The following KANK1 variants were observed in gnomAD, a reference collection of about 807,000 sequenced individuals.
KANK1 encodes KN motif and ankyrin repeat domains 1.
Under a neutral mutation model 106.2 loss-of-function variants are expected in KANK1, and 109 were observed. The observed-to-expected ratio is 1.03, with a 90% CI of 0.88 to 1.20. The LOEUF (loss-of-function observed/expected upper bound fraction) is 1.20, where lower values mean the gene tolerates loss of function less well. Ranked by LOEUF, KANK1 falls within the 50% of genes most tolerant of loss-of-function variation. The pLI is 0.00. For synonymous variants in KANK1, 873 were observed against 652.2 expected (o/e 1.34, Z -5.16); for missense variants, 2,399 against 1,710.7 (o/e 1.40, Z -7.10).
At chr9:515,091 C>T (rs1056198644) in intron 1 of KANK1, among the ~76,000 whole-genome samples, 1 of 151,754 alleles carries the variant, frequency 6.6e-6, no homozygotes, top group African/African-American at 2.4e-5. Context: ...CGCCTGTAAT[C>T]CCAGCACTTT....
intron 1 of KANK1, among the ~76,000 whole-genome samples, chr9:560,761 A>T (rs1441700814): frequency 6.8e-6 from 1 of 146,936 alleles, no homozygotes; most frequent in African/African-American, 2.5e-5. Flanking sequence ...AACCAACTGG[A>T]TGTCAGACAT....
At chr9:491,534 T>C (rs917257201) in intron 3 of KANK1, among the ~76,000 whole-genome samples, 3 of 152,146 alleles carry the variant, frequency 2.0e-5, no homozygotes, top group African/African-American at 7.2e-5. Context: ...CCCAAAGTGC[T>C]GGGATTACAG....
At chr9:480,452 G>A (rs2058184116) in intron 3 of KANK1, among the ~76,000 whole-genome samples, 1 of 152,170 alleles carries the variant, frequency 6.6e-6, no homozygotes. Context: ...AGTCAAATGT[G>A]GTTCTAAGTG....
At chr9:556,723 G>A (rs2061609533) in intron 1 of KANK1, among the ~76,000 whole-genome samples, 1 of 152,134 alleles carries the variant, frequency 6.6e-6, no homozygotes, top group African/African-American at 2.4e-5. Context: ...CCTGCTTCAT[G>A]ATGTTCCTGA....
At chr9:485,037 C>G (rs1194823305) in intron 3 of KANK1, among the ~76,000 whole-genome samples, 1 of 152,180 alleles carries the variant, frequency 6.6e-6, no homozygotes, top group African/African-American at 2.4e-5. Context: ...CTGGACTAGT[C>G]CTAGACCAAC....
chr9:552,345 A>G (rs1272914073), intron 1 of KANK1, among the ~76,000 whole-genome samples: 1 of 152,196 alleles, frequency 6.6e-6, no homozygotes, highest in Non-Finnish European at 1.5e-5. Context: ...AACTAAGGTC[A>G]GTTAGCCGGT....
At chr9:616,749 G>C (rs757203030) in intron 1 of KANK1, among the ~76,000 whole-genome samples, 1 of 152,166 alleles carries the variant, frequency 6.6e-6, no homozygotes, top group Non-Finnish European at 1.5e-5. Flanking sequence ...GCTGTGTTCA[G>C]TGTTGACCTC....
intron 1 of KANK1, among the ~76,000 whole-genome samples, chr9:662,916 C>A (rs1843680961): frequency 6.6e-6 from 1 of 152,128 alleles, no homozygotes; most frequent in African/African-American, 2.4e-5. Flanking sequence ...CCCACCTTGG[C>A]CTCCCAAAGT....
intron 1 of KANK1, among the ~76,000 whole-genome samples, chr9:559,331 T>G (rs1408466547): frequency 6.6e-6 from 1 of 152,214 alleles, no homozygotes; most frequent in Non-Finnish European, 1.5e-5. Flanking sequence ...AACACTGTCA[T>G]TCACTTGTGA....
At position 742,306 on chromosome 9, in the gene KANK1, G is replaced by A; in HGVS notation, c.3798G>A (p.Glu1266=). ...CTGATGTCAACATCCAGGATGACGAGGGCTCCACGGCCCTCATGTGTGCCA... is the reference window on the plus strand; with the variant it reads ...CTGATGTCAACATCCAGGATGACGAAGGCTCCACGGCCCTCATGTGTGCCA... The part of the protein sequence containing the change: ...CGADVNIQDD[E]GSTALMCASE... The change falls in exon 10 of 12, where the codon GAG becomes GAA. Residue 1266 remains glutamate (E), a synonymous_variant. Coordinates refer to ENST00000382297, the MANE Select transcript of KANK1 (RefSeq NM_015158.5). 1.2e-6 allele frequency: 2 copies of A among 1,614,146 alleles called. No homozygotes were observed. Among genetic ancestry groups the A allele is most frequent in the Non-Finnish European group, 1.7e-6 (2 of 1,179,992 alleles).
intron 1 of KANK1, among the ~76,000 whole-genome samples, chr9:548,498 C>T (rs1333030266): frequency 1.3e-5 from 2 of 152,106 alleles, no homozygotes. Context: ...CGCTAAATAG[C>T]AGGGGTGTTT....
At chr9:566,873 A>G (rs528965557) in intron 1 of KANK1, among the ~76,000 whole-genome samples, 7 of 152,050 alleles carry the variant, frequency 4.6e-5, no homozygotes, top group Non-Finnish European at 1.0e-4. Context: ...CCATTTGTCA[A>G]TTTTTGCTTT....
At chr9:620,300 A>T (rs575952417) in intron 1 of KANK1, among the ~76,000 whole-genome samples, 1 of 152,246 alleles carries the variant, frequency 6.6e-6, no homozygotes, top group South Asian at 2.1e-4. Flanking sequence ...TTGGAATAGG[A>T]CATTAACTCT....
At chr9:732,726 T>G in intron 6 of KANK1, 109 bp downstream of exon 6, 1 of 1,238,474 alleles carries the variant, frequency 8.1e-7, no homozygotes, top group Non-Finnish European at 1.1e-6. Context: ...TTTTATCTGT[T>G]CCTCAGAGGT....
chr9:512,892 T>A (rs1481510154), intron 1 of KANK1, among the ~76,000 whole-genome samples: 1 of 152,308 alleles, frequency 6.6e-6, no homozygotes, highest in East Asian at 1.9e-4. Flanking sequence ...TATCTTATTA[T>A]TTTTGCCTTA....
intron 10 of KANK1, among the ~76,000 whole-genome samples, chr9:743,719 A>G (rs1237806572): frequency 1.3e-5 from 2 of 152,160 alleles, no homozygotes; most frequent in Middle Eastern, 3.4e-3. Flanking sequence ...AAAATTATCT[A>G]GGTGTGGTGG....
At chr9:593,472 A>AT (rs1424871065) in intron 1 of KANK1, among the ~76,000 whole-genome samples, 1,575 of 125,420 alleles carry the variant, frequency 0.013, 16 homozygotes, top group African/African-American at 0.03. Flanking sequence ...ATATACTTGC[A>AT]TTTTTTTTTT....
chr9:599,798 T>G (rs969299460), intron 1 of KANK1, among the ~76,000 whole-genome samples: 4 of 151,824 alleles, frequency 2.6e-5, no homozygotes, highest in Non-Finnish European at 5.9e-5. Flanking sequence ...CTACAGAACT[T>G]CAGTATGTGA....
chr9:573,901 A>C (rs1296131748), intron 1 of KANK1, among the ~76,000 whole-genome samples: 2 of 152,196 alleles, frequency 1.3e-5, no homozygotes, highest in African/African-American at 4.8e-5. Flanking sequence ...TGAACAGGGC[A>C]CTTTTTGTTT....
Sources: gnomAD v4.1 joint callset for allele counts (sites outside exome capture counted in the v4.1 genomes callset) on GRCh38, gnomAD v4.1.1 for gene constraint, MANE v1.5 for transcripts, NCBI Gene and HGNC (gene_info 2026-07-23, HGNC 2026-07-21) for gene names.